Variants in IL1RAPL2 observed in about 807,000 individuals in gnomAD.
IL1RAPL2 encodes the protein interleukin 1 receptor accessory protein like 2, also known as X-linked interleukin-1 receptor accessory protein-like 2.
In IL1RAPL2, 3 loss-of-function variants were observed where a neutral mutation model predicts 44.1. The observed-to-expected ratio is 0.07, with a 90% CI of 0.03 to 0.18. The LOEUF is 0.18. Among genes scored for constraint, IL1RAPL2 ranks in the 10% least tolerant of loss-of-function variants. The pLI is 1.00. For missense variants in IL1RAPL2, 391 were observed against 496.4 expected, an observed-to-expected ratio of 0.79 and a Z score of 2.02; for synonymous variants, 181 against 178.8, an observed-to-expected ratio of 1.01 and a Z score of -0.10.
At chrX:104,992,071 T>C (rs920855362) in intron 2 of IL1RAPL2, among the ~76,000 whole-genome samples, 18 of 111,143 alleles carry the variant, frequency 1.6e-4, no homozygotes, top group Non-Finnish European at 3.4e-4. Flanking sequence ...GAGCCATACA[T>C]AGGCCAGTTT....
At chrX:105,022,596 G>A (rs1178090116) in intron 2 of IL1RAPL2, among the ~76,000 whole-genome samples, 1 of 110,978 alleles carries the variant, frequency 9.0e-6, no homozygotes, top group Non-Finnish European at 1.9e-5. Context: ...TTTTTCATGG[G>A]TGCTAACCAC....
chrX:105,195,854 G>T, intron 3 of IL1RAPL2, 106 bp downstream of exon 3: 2 of 800,911 alleles, frequency 2.5e-6, no homozygotes, highest in Non-Finnish European at 1.8e-6. Context: ...ATATGTTCTT[G>T]AAAGGTTGCA....
At chrX:105,231,231 C>G (rs2034067136) in intron 3 of IL1RAPL2, among the ~76,000 whole-genome samples, 1 of 112,047 alleles carries the variant, frequency 8.9e-6, no homozygotes, top group Admixed American at 9.5e-5. Flanking sequence ...TTCCCTCTAT[C>G]CCCTGCCCCT....
At chrX:105,600,133 T>A (rs1168012885) in intron 6 of IL1RAPL2, among the ~76,000 whole-genome samples, 1 of 111,290 alleles carries the variant, frequency 9.0e-6, no homozygotes, top group Admixed American at 9.5e-5. Context: ...CTATGCCTTA[T>A]CAATGCCTCA....
chrX:104,946,242 G>A (rs1166209048), intron 2 of IL1RAPL2, among the ~76,000 whole-genome samples: 20 of 99,428 alleles, frequency 2.0e-4, no homozygotes, highest in African/African-American at 6.2e-4. Context: ...GCGCGGTGGC[G>A]GGCGCCTGTA....
chrX:105,003,106 G>C (rs928638796), intron 2 of IL1RAPL2, among the ~76,000 whole-genome samples: 1 of 110,806 alleles, frequency 9.0e-6, no homozygotes, highest in African/African-American at 3.3e-5. Flanking sequence ...GTGTTGAGGA[G>C]GGAAACCACC....
intron 2 of IL1RAPL2, among the ~76,000 whole-genome samples, chrX:104,957,745 G>T (rs1377575392): frequency 1.8e-5 from 2 of 111,480 alleles, no homozygotes; most frequent in Admixed American, 9.5e-5. Context: ...ATCCAAGGCA[G>T]GTCTATCGTC....
At chrX:104,937,156 AAGTCTGTAT>A (rs1272582557) in intron 2 of IL1RAPL2, among the ~76,000 whole-genome samples, 1 of 112,325 alleles carries the variant, frequency 8.9e-6, no homozygotes, top group Non-Finnish European at 1.9e-5. Context: ...GTCTTGACTC[AAGTCTGTAT>A]AGACCTTTAA....
chrX:105,126,540 AAACTTT>A (rs1261895570), intron 2 of IL1RAPL2, among the ~76,000 whole-genome samples: 1 of 111,358 alleles, frequency 9.0e-6, no homozygotes, highest in Non-Finnish European at 1.9e-5. Context: ...GTTGGAAAGC[AAACTTT>A]AACAAGGTTC....
chrX:104,940,506 A>C (rs967460928), intron 2 of IL1RAPL2, among the ~76,000 whole-genome samples: 1 of 111,432 alleles, frequency 9.0e-6, no homozygotes, highest in Non-Finnish European at 1.9e-5. Flanking sequence ...ACTAGAAGAT[A>C]CTTGGGAGAA....
chrX:104,947,177 C>T (rs1308688506), intron 2 of IL1RAPL2, among the ~76,000 whole-genome samples: 3 of 112,094 alleles, frequency 2.7e-5, no homozygotes, highest in Non-Finnish European at 5.6e-5. Context: ...TGATGATGAG[C>T]ATGTTTTCAT....
intron 6 of IL1RAPL2, among the ~76,000 whole-genome samples, chrX:105,503,921 T>C (rs5962538): frequency 0.031 from 3,406 of 111,392 alleles, 133 homozygotes; most frequent in African/African-American, 0.1. Context: ...TCACCAATCA[T>C]TGGATTATAG....
chrX:104,893,543 G>T (rs1258390049), intron 2 of IL1RAPL2, among the ~76,000 whole-genome samples: 1 of 111,319 alleles, frequency 9.0e-6, no homozygotes, highest in African/African-American at 3.3e-5. Flanking sequence ...ATTATGTAAT[G>T]GTCTTCTTTG....
At chrX:105,568,570 A>C (rs1038964792) in intron 6 of IL1RAPL2, among the ~76,000 whole-genome samples, 23 of 111,887 alleles carry the variant, frequency 2.1e-4, no homozygotes, top group African/African-American at 6.2e-4. Flanking sequence ...TATGACTTAT[A>C]TGTATTTGTA....
intron 2 of IL1RAPL2, among the ~76,000 whole-genome samples, chrX:105,184,173 CCTTTT>C (rs1333460115): frequency 9.0e-6 from 1 of 111,519 alleles, no homozygotes; most frequent in Non-Finnish European, 1.9e-5. Context: ...TCCTTTCCAT[CCTTTT>C]CTTAGGTGTT....
chrX:105,007,435 T>G (rs983624909), intron 2 of IL1RAPL2, among the ~76,000 whole-genome samples: 3 of 111,664 alleles, frequency 2.7e-5, no homozygotes, highest in African/African-American at 9.7e-5. Context: ...TAAAATTCCA[T>G]AGGCCAGCTG....
intron 6 of IL1RAPL2, among the ~76,000 whole-genome samples, chrX:105,529,181 G>C (rs779251094): frequency 3.6e-5 from 4 of 111,177 alleles, no homozygotes; most frequent in African/African-American, 1.3e-4. Flanking sequence ...TATGATTTGG[G>C]TGATCCTGTG....
At chrX:104,606,441 T>C (rs1054513440) in intron 1 of IL1RAPL2, among the ~76,000 whole-genome samples, 2 of 111,772 alleles carry the variant, frequency 1.8e-5, no homozygotes, top group Non-Finnish European at 3.8e-5. Flanking sequence ...ACCACTCTTA[T>C]TCAACATAGT....
chrX:104,724,436 C>T (rs181055914), intron 2 of IL1RAPL2, among the ~76,000 whole-genome samples: 206 of 111,336 alleles, frequency 1.9e-3, no homozygotes, highest in Non-Finnish European at 3.3e-3. Flanking sequence ...GCACATTGTG[C>T]ACATGTACCC....
Sources: allele counts gnomAD v4.1 joint callset (sites outside exome capture counted in the v4.1 genomes callset), GRCh38; gene constraint gnomAD v4.1.1; transcripts MANE v1.5; gene names NCBI Gene and HGNC (gene_info 2026-07-23, HGNC 2026-07-21).